C12orf50: variants seen among roughly 807,000 people sequenced by gnomAD.
C12orf50 encodes the protein zinc finger CCCH-type containing 11D, also known as uncharacterized protein C12orf50.
C12orf50 carries 35 observed loss-of-function variants against 61.6 expected under a neutral mutation model. The observed-to-expected ratio is 0.57, with a 90% CI of 0.43 to 0.75. The LOEUF (loss-of-function observed/expected upper bound fraction) is 0.75, where lower values mean the gene tolerates loss of function less well. Ranked by LOEUF, C12orf50 falls within the 30% of genes least tolerant of loss-of-function variation. The pLI is 0.00. For synonymous variants in C12orf50, 178 were observed against 161.5 expected (o/e 1.10, Z -0.77); for missense variants, 475 against 488.5 (o/e 0.97, Z 0.26).
At chr12:88,028,000 G>C (rs899387069) in intron 1 of C12orf50, 1 of 152,126 alleles carries the variant, frequency 6.6e-6, no homozygotes, top group African/African-American at 2.4e-5. Flanking sequence ...CTTGCCCATT[G>C]TCACAAAGTT....
chr12:87,997,094 A>G (rs2031428908), intron 4 of C12orf50, among the ~76,000 whole-genome samples: 1 of 152,110 alleles, frequency 6.6e-6, no homozygotes, highest in Non-Finnish European at 1.5e-5. Flanking sequence ...GTATATACAC[A>G]CTTTCTGGCA....
chr12:87,990,217 T>C (rs2031054507), intron 7 of C12orf50, among the ~76,000 whole-genome samples: 2 of 152,310 alleles, frequency 1.3e-5, no homozygotes, highest in South Asian at 4.1e-4. Flanking sequence ...CCCTGTAAGA[T>C]TTGGCTCATT....
chr12:87,999,784 C>T (rs1011976569), intron 3 of C12orf50, among the ~76,000 whole-genome samples: 1 of 152,006 alleles, frequency 6.6e-6, no homozygotes, highest in Non-Finnish European at 1.5e-5. Context: ...CCTAAATTTC[C>T]ATTGTCTGAT....
At chr12:87,982,338 G>T (rs938979655) in intron 12 of C12orf50, among the ~76,000 whole-genome samples, 24 of 152,254 alleles carry the variant, frequency 1.6e-4, no homozygotes, top group Middle Eastern at 6.8e-3. Context: ...AAGATGGGGG[G>T]AAAATGGAAA....
chr12:88,004,802 C>G (rs777184668), intron 3 of C12orf50, among the ~76,000 whole-genome samples: 9 of 152,134 alleles, frequency 5.9e-5, no homozygotes, highest in Non-Finnish European at 1.0e-4. Flanking sequence ...AACACTGCAC[C>G]TTCTCACTTA....
In C12orf50 at chr12:87,996,646, T is replaced by A; in HGVS notation, c.290A>T (p.Asp97Val). Residue 97 changes from aspartate (D) to valine (V), a missense_variant and splice_region_variant, in exon 5 of 13, where the codon GAT (aspartate) becomes GTT (valine). Asp to Val is a radical substitution (Grantham distance 152). Transcript: ENST00000298699. ...EEEEEVDEQN[D>V]ASSLWTKTPE... ...GGTCTTTGTCCATAAACTAGAAGCA[T>A]CTATAGGATATAGATTTTTTAAATT... The A allele has an allele frequency of 6.3e-7, 1 of 1,594,858 alleles. No individual in the cohort carries two copies. Among genetic ancestry groups the A allele is most frequent in the South Asian group, 1.1e-5 (1 of 89,666 alleles).
chr12:88,006,146 G>C (rs1331067950), intron 3 of C12orf50, among the ~76,000 whole-genome samples: 1 of 151,988 alleles, frequency 6.6e-6, no homozygotes, highest in African/African-American at 2.4e-5. Context: ...TCGATCTCCT[G>C]ACCTCGTGAT....
chr12:88,012,408 T>G (rs2032146260), intron 3 of C12orf50, among the ~76,000 whole-genome samples: 1 of 152,202 alleles, frequency 6.6e-6, no homozygotes, highest in Non-Finnish European at 1.5e-5. Flanking sequence ...AACGAATTAT[T>G]TATAACTAAA....
At chr12:87,991,781 A>C (rs1246048766) in intron 7 of C12orf50, among the ~76,000 whole-genome samples, 1 of 152,202 alleles carries the variant, frequency 6.6e-6, no homozygotes, top group Non-Finnish European at 1.5e-5. Context: ...AATCTCAAAG[A>C]AAAGGTGTGC....
chr12:88,005,094 G>A (rs984012869), intron 3 of C12orf50, among the ~76,000 whole-genome samples: 1 of 152,026 alleles, frequency 6.6e-6, no homozygotes, highest in Non-Finnish European at 1.5e-5. Flanking sequence ...CCTCTCATAA[G>A]CATTCTGTTG....
chr12:87,991,321 CAAAA>C (rs1320171208), intron 7 of C12orf50, among the ~76,000 whole-genome samples: 1 of 151,876 alleles, frequency 6.6e-6, no homozygotes, highest in Non-Finnish European at 1.5e-5. Context: ...GACAATTGAG[CAAAA>C]ACCTGAGGAA....
intron 7 of C12orf50, 117 bp from the exon 8 acceptor site, chr12:87,989,488 C>T (rs1403487054): frequency 1.6e-6 from 1 of 636,938 alleles, no homozygotes; most frequent in Non-Finnish European, 2.8e-6. Flanking sequence ...GGACACTTCT[C>T]AGTGATACCA....
chr12:88,002,649 T>C (rs11104715), intron 3 of C12orf50, among the ~76,000 whole-genome samples: 25,794 of 151,672 alleles, frequency 0.17, 3,713 homozygotes, highest in African/African-American at 0.39. Context: ...TAATTTTATT[T>C]TCACAATCTC....
chr12:88,023,993 G>C (rs777403027), intron 3 of C12orf50, among the ~76,000 whole-genome samples: 3 of 152,098 alleles, frequency 2.0e-5, no homozygotes, highest in Non-Finnish European at 4.4e-5. Flanking sequence ...CTTTTCAAAA[G>C]AAGACATAAA....
At chr12:87,987,031 T>C (rs574620807) in intron 9 of C12orf50, among the ~76,000 whole-genome samples, 1 of 152,304 alleles carries the variant, frequency 6.6e-6, no homozygotes, top group East Asian at 1.9e-4. Context: ...CCAGAGAATC[T>C]TAAAACAATT....
intron 3 of C12orf50, among the ~76,000 whole-genome samples, chr12:88,018,271 G>T (rs1162522646): frequency 6.6e-6 from 1 of 152,206 alleles, no homozygotes; most frequent in East Asian, 1.9e-4. Context: ...CCAAGATACA[G>T]CTCAGGCCGT....
intron 1 of C12orf50, among the ~76,000 whole-genome samples, chr12:88,027,326 G>A (rs1043106817): frequency 2.6e-5 from 4 of 152,206 alleles, no homozygotes; most frequent in African/African-American, 2.4e-5. Flanking sequence ...TTTGTTATTC[G>A]TTAATCCATA....
intron 2 of C12orf50, 91 bp downstream of exon 2, chr12:88,026,859 TG>T: frequency 6.7e-7 from 1 of 1,495,418 alleles, no homozygotes; most frequent in Non-Finnish European, 9.0e-7. Flanking sequence ...GAAGGAAGAA[TG>T]ATTTCTTCCA....
chr12:88,002,600 TA>T (rs1474760748), intron 3 of C12orf50, among the ~76,000 whole-genome samples: 1 of 151,742 alleles, frequency 6.6e-6, no homozygotes, highest in South Asian at 2.1e-4. Flanking sequence ...CTATTGAATT[TA>T]AAAAGTGTTT....
Sources: gnomAD v4.1 joint callset for allele counts (sites outside exome capture counted in the v4.1 genomes callset) on GRCh38, gnomAD v4.1.1 for gene constraint, MANE v1.5 for transcripts, NCBI Gene and HGNC (gene_info 2026-07-23, HGNC 2026-07-21) for gene names.